DACH2: variants seen among roughly 807,000 people sequenced by gnomAD.
The protein encoded by DACH2 is dachshund family transcription factor 2.
In DACH2, 17 loss-of-function variants were observed where a neutral mutation model predicts 35.8. The ratio of observed to expected loss-of-function variants is 0.48; its 90% CI spans 0.33 to 0.71. The LOEUF (loss-of-function observed/expected upper bound fraction) is 0.71, where lower values mean the gene tolerates loss of function less well. Among genes scored for constraint, DACH2 ranks in the 30% least tolerant of loss-of-function variants. The pLI, the probability that DACH2 is intolerant of heterozygous loss-of-function variation, is 0.02. For missense variants in DACH2, 469 were observed against 472.7 expected, an observed-to-expected ratio of 0.99 and a Z score of 0.07; for synonymous variants, 195 against 177.3, an observed-to-expected ratio of 1.10 and a Z score of -0.79.
At chrX:86,532,889 GA>G (rs1165706385) in intron 3 of DACH2, among the ~76,000 whole-genome samples, 1 of 110,855 alleles carries the variant, frequency 9.0e-6, no homozygotes, top group Non-Finnish European at 1.9e-5. Context: ...CAATGTTTTA[GA>G]AATGCATAAC....
intron 1 of DACH2, among the ~76,000 whole-genome samples, chrX:86,254,743 T>C (rs2033468919): frequency 1.1e-5 from 1 of 90,175 alleles, no homozygotes; most frequent in Admixed American, 1.3e-4. Context: ...GGACCTAGGA[T>C]ATCATGCCAA....
At chrX:86,320,725 C>T (rs1369375319) in intron 1 of DACH2, among the ~76,000 whole-genome samples, 1 of 112,199 alleles carries the variant, frequency 8.9e-6, no homozygotes, top group Admixed American at 9.4e-5. Flanking sequence ...GTTAAGTAGC[C>T]ATTGGCTTTT....
intron 1 of DACH2, among the ~76,000 whole-genome samples, chrX:86,246,335 C>A (rs373533785): frequency 9.0e-6 from 1 of 110,886 alleles, no homozygotes; most frequent in East Asian, 2.9e-4. Flanking sequence ...AAATACTATA[C>A]AAGAGGATCA....
intron 1 of DACH2, among the ~76,000 whole-genome samples, chrX:86,174,086 G>A (rs189921347): frequency 1.9e-4 from 20 of 107,197 alleles, no homozygotes; most frequent in African/African-American, 5.8e-4. Context: ...TGGAGGTAGA[G>A]TAGGTCAGGT....
intron 6 of DACH2, among the ~76,000 whole-genome samples, chrX:86,732,846 C>T (rs1027240589): frequency 9.0e-6 from 1 of 111,487 alleles, no homozygotes; most frequent in Non-Finnish European, 1.9e-5. Flanking sequence ...GTGGCTTCCT[C>T]TATGTAGGTT....
chrX:86,812,138 T>C (rs916868331), intron 7 of DACH2, among the ~76,000 whole-genome samples: 1 of 111,603 alleles, frequency 9.0e-6, no homozygotes, highest in Non-Finnish European at 1.9e-5. Context: ...AATAAACTAC[T>C]GATACCTGCC....
rs189400417 is a variant in DACH2, at chrX:86,809,992, G to A, written c.1241-2864G>A. 1.5e-4 allele frequency among the ~76,000 whole-genome samples: 17 copies of A among 111,233 alleles called. No individual in the cohort carries two copies. In the East Asian group the frequency reaches 3.7e-3, roughly 24 times the overall value. ...TCTCCTGGTGTTGACTAGGTCTGAT[G>A]AAATATGATTCTTTTTGTATTTGAT... On this transcript the variant is annotated intron_variant, in intron 7 of 11. Transcript: ENST00000373125.
intron 2 of DACH2, among the ~76,000 whole-genome samples, chrX:86,411,020 T>TTATATATATATATATA (rs36194671): frequency 0.011 from 445 of 40,491 alleles, 37 homozygotes; most frequent in African/African-American, 0.025. Context: ...ACTAATATGA[T>TTATATATATATATATA]TATATATATA....
chrX:86,608,432 G>T (rs899688796), intron 3 of DACH2, among the ~76,000 whole-genome samples: 4 of 111,768 alleles, frequency 3.6e-5, no homozygotes, highest in African/African-American at 9.8e-5. Flanking sequence ...GTTTTTGATT[G>T]GTTCATTGTT....
At position 86,312,775 on chromosome X, in the gene DACH2, C is replaced by T. The variant is rs994492404; in HGVS notation, c.489-64049C>T. On this transcript the variant is annotated intron_variant, in intron 1 of 11. Coordinates refer to ENST00000373125, the MANE Select transcript of DACH2 (RefSeq NM_053281.3). Reference sequence around the variant, plus strand: ...TGGACTGGCTCTCCTTGCTCCTCAGCTTGCAGACAGCCTATTGTGGGACCT... The same window carrying T: ...TGGACTGGCTCTCCTTGCTCCTCAGTTTGCAGACAGCCTATTGTGGGACCT... Among the ~76,000 whole-genome samples the T allele has an allele frequency of 1.2e-3, 132 of 111,675 alleles. 4 individuals carry two copies. Among genetic ancestry groups the T allele is most frequent in the Non-Finnish European group, 3.2e-4 (17 of 53,220 alleles).
At chrX:86,635,467 C>T (rs1262506114) in intron 3 of DACH2, among the ~76,000 whole-genome samples, 3 of 111,001 alleles carry the variant, frequency 2.7e-5, no homozygotes, top group Non-Finnish European at 5.7e-5. Flanking sequence ...TGAAAACTGG[C>T]ACAAGACAAG....
At chrX:86,547,271 TA>T (rs1163613165) in intron 3 of DACH2, among the ~76,000 whole-genome samples, 1 of 111,762 alleles carries the variant, frequency 8.9e-6, no homozygotes, top group Non-Finnish European at 1.9e-5. Context: ...GCATGGCAAT[TA>T]AATGAAACCC....
chrX:86,815,630 C>CATAT (rs899530573), intron 10 of DACH2, among the ~76,000 whole-genome samples: 3 of 103,048 alleles, frequency 2.9e-5, no homozygotes, highest in African/African-American at 1.1e-4. Flanking sequence ...TATATATACA[C>CATAT]ATATATATAA....
intron 3 of DACH2, among the ~76,000 whole-genome samples, chrX:86,616,625 C>G (rs2040007741): frequency 1.8e-5 from 2 of 111,959 alleles, no homozygotes; most frequent in African/African-American, 6.5e-5. Flanking sequence ...TTGCTTTTTA[C>G]TTGTAAATTT....
chrX:86,380,954 G>A (rs374455044), intron 2 of DACH2, among the ~76,000 whole-genome samples: 6 of 109,893 alleles, frequency 5.5e-5, no homozygotes, highest in East Asian at 5.7e-4. Context: ...TTAATTGTCC[G>A]TTATACTACC....
intron 1 of DACH2, among the ~76,000 whole-genome samples, chrX:86,311,994 C>A (rs1300218442): frequency 9.0e-6 from 1 of 111,154 alleles, no homozygotes; most frequent in African/African-American, 3.3e-5. Flanking sequence ...GATCCAGACC[C>A]TTCAGGAATG....
chrX:86,698,048 T>C (rs1602805601), intron 5 of DACH2, among the ~76,000 whole-genome samples: 1 of 110,042 alleles, frequency 9.1e-6, no homozygotes, highest in Non-Finnish European at 1.9e-5. Flanking sequence ...AGAAAACCAA[T>C]CACAAAAAGA....
chrX:86,476,988 T>G (rs750609615), intron 2 of DACH2, among the ~76,000 whole-genome samples: 10 of 111,305 alleles, frequency 9.0e-5, no homozygotes, highest in Admixed American at 2.9e-4. Context: ...TTTCTAGTTT[T>G]ATTTCATTGT....
chrX:86,664,953 G>C (rs1208947991), intron 4 of DACH2, among the ~76,000 whole-genome samples: 1 of 111,858 alleles, frequency 8.9e-6, no homozygotes, highest in East Asian at 2.8e-4. Context: ...TTTAGTGTTA[G>C]AGTAAAGATG....
Sources: gnomAD v4.1 joint callset for allele counts (sites outside exome capture counted in the v4.1 genomes callset) on GRCh38, gnomAD v4.1.1 for gene constraint, MANE v1.5 for transcripts, NCBI Gene and HGNC (gene_info 2026-07-23, HGNC 2026-07-21) for gene names.